The following CNTN3 variants were observed in gnomAD, a reference collection of about 807,000 sequenced individuals.
The protein encoded by CNTN3 is contactin-3.
In CNTN3, 60 loss-of-function variants were observed where a neutral mutation model predicts 119.1. The observed-to-expected ratio is 0.50, with a 90% confidence interval of 0.41 to 0.62. The LOEUF (loss-of-function observed/expected upper bound fraction) is 0.62. CNTN3 is among the 20% of genes least tolerant of loss of function. The pLI is 0.00. For synonymous variants in CNTN3, 450 were observed against 438.7 expected (o/e 1.03, Z -0.32); for missense variants, 1,101 against 1,242.4 (o/e 0.89, Z 1.71).
chr3:74,587,516 C>T (rs1704615527), intron 1 of CNTN3, among the ~76,000 whole-genome samples: 1 of 152,046 alleles, frequency 6.6e-6, no homozygotes, highest in African/African-American at 2.4e-5. Flanking sequence ...ATTCCATCTG[C>T]CACTTATGGT....
intron 19 of CNTN3, among the ~76,000 whole-genome samples, chr3:74,287,901 A>G (rs1156278685): frequency 1.3e-5 from 2 of 152,200 alleles, no homozygotes; most frequent in Non-Finnish European, 1.5e-5. Flanking sequence ...TCTCTCCAGT[A>G]AAACCAACCC....
chr3:74,549,972 C>T (rs9831322), intron 1 of CNTN3, among the ~76,000 whole-genome samples: 2 of 152,142 alleles, frequency 1.3e-5, no homozygotes. Context: ...GAGAAAGATG[C>T]CTGTTAATGG....
intron 1 of CNTN3, among the ~76,000 whole-genome samples, chr3:74,521,483 A>T (rs927246508): frequency 8.6e-5 from 13 of 151,476 alleles, no homozygotes; most frequent in Non-Finnish European, 1.9e-4. Flanking sequence ...GATAATTTCA[A>T]GAAAGAAAAC....
Position 74,388,291 on chromosome 3 carries a change from T to C in CNTN3, c.455-16892A>G, listed in dbSNP as rs1158035144. 2.6e-5 allele frequency among the ~76,000 whole-genome samples: 4 copies of C among 152,176 alleles called. No homozygotes were observed. The South Asian group carries it at 8.3e-4, about 32-fold the overall frequency. ...AAATATTTATTGAGAATCTAATATATTAGAAGTTTATTGAGTATATAAAGT... is the reference window on the plus strand; with the variant it reads ...AAATATTTATTGAGAATCTAATATACTAGAAGTTTATTGAGTATATAAAGT... On this transcript the variant is annotated intron_variant, in intron 5 of 22. Transcript: ENST00000263665.
intron 13 of CNTN3, among the ~76,000 whole-genome samples, chr3:74,326,145 A>G (rs1703125634): frequency 1.3e-5 from 2 of 152,172 alleles, no homozygotes; most frequent in Middle Eastern, 3.4e-3. Flanking sequence ...CTGTCATTAT[A>G]TCTCTCTTTC....
intron 2 of CNTN3, among the ~76,000 whole-genome samples, chr3:74,506,129 A>G (rs1445981761): frequency 2.0e-5 from 3 of 152,214 alleles, no homozygotes; most frequent in Non-Finnish European, 4.4e-5. Flanking sequence ...AAAAATGTCC[A>G]CACATATAAA....
intron 11 of CNTN3, among the ~76,000 whole-genome samples, chr3:74,353,152 G>A (rs543330487): frequency 1.3e-5 from 2 of 152,256 alleles, no homozygotes; most frequent in African/African-American, 2.4e-5. Context: ...AAAAGCTTGA[G>A]TCAAGGGGAA....
chr3:74,545,998 T>C (rs1410183492), intron 1 of CNTN3, among the ~76,000 whole-genome samples: 2 of 149,614 alleles, frequency 1.3e-5, no homozygotes, highest in Non-Finnish European at 3.0e-5. Flanking sequence ...TTTTCCTTTC[T>C]TTTTTTTTTC....
chr3:74,398,025 G>A (rs1000934726), intron 5 of CNTN3, among the ~76,000 whole-genome samples: 2 of 152,160 alleles, frequency 1.3e-5, no homozygotes, highest in Non-Finnish European at 2.9e-5. Flanking sequence ...AAAGAAAGTG[G>A]TTTCTTGAGA....
intron 1 of CNTN3, among the ~76,000 whole-genome samples, chr3:74,521,439 A>C (rs1428416335): frequency 1.3e-5 from 2 of 151,100 alleles, no homozygotes; most frequent in African/African-American, 2.4e-5. Context: ...TAAAATATTA[A>C]ATTTTAATAT....
At chr3:74,484,107 A>T (rs950368859) in intron 4 of CNTN3, among the ~76,000 whole-genome samples, 2 of 151,988 alleles carry the variant, frequency 1.3e-5, no homozygotes, top group African/African-American at 4.8e-5. Context: ...AAGAGGAATG[A>T]CTCCTAGAAA....
chr3:74,366,778 G>GTATATATA (rs1485995990), intron 8 of CNTN3, among the ~76,000 whole-genome samples: 19 of 40,894 alleles, frequency 4.6e-4, no homozygotes, highest in Middle Eastern at 0.018. Flanking sequence ...GTGTGTGTGT[G>GTATATATA]TGTATATATA....
At chr3:74,561,589 G>A (rs976505845) in intron 1 of CNTN3, among the ~76,000 whole-genome samples, 7 of 152,136 alleles carry the variant, frequency 4.6e-5, no homozygotes, top group Admixed American at 3.9e-4. Context: ...CTGCTCAGCA[G>A]AGGCCTCCCG....
chr3:74,275,097 C>T (rs777440780), intron 20 of CNTN3, among the ~76,000 whole-genome samples: 1 of 152,100 alleles, frequency 6.6e-6, no homozygotes. Flanking sequence ...CCCAATCCAA[C>T]AAACACAAAG....
At chr3:74,285,991 ACAT>A (rs1296781812) in intron 19 of CNTN3, among the ~76,000 whole-genome samples, 29 of 151,818 alleles carry the variant, frequency 1.9e-4, no homozygotes, top group African/African-American at 6.5e-4. Context: ...AAAAAAGATG[ACAT>A]CATTTTCTTT....
chr3:74,303,422 G>A (rs1702497932), intron 13 of CNTN3, among the ~76,000 whole-genome samples: 1 of 152,148 alleles, frequency 6.6e-6, no homozygotes, highest in Non-Finnish European at 1.5e-5. Flanking sequence ...GCCGGGCACG[G>A]TGGCTCAAGT....
At chr3:74,321,541 TA>T (rs1444720713) in intron 13 of CNTN3, among the ~76,000 whole-genome samples, 2 of 151,126 alleles carry the variant, frequency 1.3e-5, no homozygotes. Flanking sequence ...ATAAAAGGAA[TA>T]AAAAAAATCA....
intron 8 of CNTN3, among the ~76,000 whole-genome samples, chr3:74,367,963 G>T (rs1261911927): frequency 6.6e-6 from 1 of 152,004 alleles, no homozygotes; most frequent in Non-Finnish European, 1.5e-5. Flanking sequence ...CTTAGAGCTG[G>T]ACAGCCACAT....
At chr3:74,484,234 T>C (rs1702811720) in intron 4 of CNTN3, among the ~76,000 whole-genome samples, 1 of 152,128 alleles carries the variant, frequency 6.6e-6, no homozygotes, top group African/African-American at 2.4e-5. Context: ...ACAAGATTTG[T>C]TTTAGAACCT....
Sources: gnomAD v4.1 joint callset for allele counts (sites outside exome capture counted in the v4.1 genomes callset) on GRCh38, gnomAD v4.1.1 for gene constraint, MANE v1.5 for transcripts, NCBI Gene and HGNC (gene_info 2026-07-23, HGNC 2026-07-21) for gene names.